The following CTNND1 variants were observed in gnomAD, a reference collection of about 807,000 sequenced individuals.
CTNND1 encodes catenin delta 1.
In CTNND1, 16 loss-of-function variants were observed where a neutral mutation model predicts 112.1. That is an observed-to-expected ratio of 0.14 (90% confidence interval 0.10 to 0.22). The LOEUF is 0.22. Ranked by LOEUF, CTNND1 falls within the 10% of genes least tolerant of loss-of-function variation. The pLI is 1.00. For missense variants in CTNND1, 1,008 were observed against 1,257.0 expected (o/e 0.80, Z 3.00); for synonymous variants, 420 against 446.5 (o/e 0.94, Z 0.75).
rs565538012 is a variant in CTNND1 at position 57,791,380 on chromosome 11, G to A, written c.-94-5G>A. On this transcript the variant is annotated splice_region_variant and splice_polypyrimidine_tract_variant and intron_variant, in intron 2 of 20. Coordinates refer to ENST00000399050, the MANE Select transcript of CTNND1 (RefSeq NM_001085458.2). ...TCTCTCCTTTCTCTTACCCTTTCCCGGTAGTGTGAAGTGAGGGGGTCTCTC... is the reference window on the plus strand; with the variant it reads ...TCTCTCCTTTCTCTTACCCTTTCCCAGTAGTGTGAAGTGAGGGGGTCTCTC... The A allele has an allele frequency of 9.3e-5, 127 of 1,359,716 alleles. No individual in the cohort carries two copies. The highest frequency in any genetic ancestry group is 1.1e-4 in the Non-Finnish European group (119 of 1,049,336). The allele number at this position is 1,359,716 out of a possible 1,614,324, so 84.2% of individuals were successfully genotyped here. A position where few individuals can be genotyped will look rare whatever the true frequency, so the allele number is the denominator to read the frequency against.
chr11:57,787,552 C>T (rs1414407313), intron 1 of CTNND1, among the ~76,000 whole-genome samples: 1 of 152,220 alleles, frequency 6.6e-6, no homozygotes. Flanking sequence ...TCCTGGGAAG[C>T]AGCAATTTTT....
intron 12 of CTNND1, 123 bp from the exon 13 acceptor site, chr11:57,808,042 G>A (rs2062924523): frequency 9.6e-7 from 1 of 1,042,610 alleles, no homozygotes. Flanking sequence ...AGAGTTTAGG[G>A]AACCTGATGG....
chr11:57,762,534 A>G lies in CTNND1; in HGVS notation c.-214+415A>G, dbSNP rs1013209310. ...TTTAAAACTTTTTTTTTCTTTTATC[A>G]TTGGATTTGTGGAAGTGGAAAGTTG... On this transcript the variant is annotated intron_variant, in intron 1 of 20. Coordinates refer to ENST00000399050, the MANE Select transcript of CTNND1 (RefSeq NM_001085458.2). Among the ~76,000 whole-genome samples the G allele has an allele frequency of 3.9e-5, 6 of 151,928 alleles. No individual in the cohort carries two copies. The East Asian group carries it at 1.2e-3, about 29-fold the overall frequency.
chr11:57,774,771 T>G lies in CTNND1; in HGVS notation c.-214+12652T>G, dbSNP rs750958141. On this transcript the variant is annotated intron_variant, in intron 1 of 20. Coordinates refer to ENST00000399050, the MANE Select transcript of CTNND1 (RefSeq NM_001085458.2). Reference sequence around the variant, plus strand: ...CTCTGTTGCCTAGGCTGGAGTGCAGTGGCGTGATCTTGGCTCGCTGCAACC... The same window carrying G: ...CTCTGTTGCCTAGGCTGGAGTGCAGGGGCGTGATCTTGGCTCGCTGCAACC... Among the ~76,000 whole-genome samples the G allele has an allele frequency of 1.6e-4, 24 of 152,300 alleles. No homozygotes were observed. The South Asian group carries it at 2.1e-3, about 13-fold the overall frequency.
At chr11:57,768,101 C>T (rs1179695647) in intron 1 of CTNND1, among the ~76,000 whole-genome samples, 1 of 151,942 alleles carries the variant, frequency 6.6e-6, no homozygotes, top group East Asian at 2.0e-4. Context: ...TTCCAAAGTG[C>T]TGGGATTACA....
chr11:57,778,145 A>C (rs1360709160), intron 1 of CTNND1, among the ~76,000 whole-genome samples: 1 of 151,566 alleles, frequency 6.6e-6, no homozygotes, highest in Non-Finnish European at 1.5e-5. Flanking sequence ...CTCATTCTCT[A>C]GGGAAACGGG....
intron 7 of CTNND1, among the ~76,000 whole-genome samples, chr11:57,803,041 T>C (rs2062187248): frequency 6.6e-6 from 1 of 152,096 alleles, no homozygotes; most frequent in Non-Finnish European, 1.5e-5. Flanking sequence ...TGGCCGAAAA[T>C]GTCAGTGGTG....
At chr11:57,766,757 T>C (rs1288299041) in intron 1 of CTNND1, among the ~76,000 whole-genome samples, 1 of 152,186 alleles carries the variant, frequency 6.6e-6, no homozygotes, top group Admixed American at 6.5e-5. Flanking sequence ...TTTTCGGAAG[T>C]AATTTTTTTC....
chr11:57,805,574 A>C (rs756257573), intron 9 of CTNND1, among the ~76,000 whole-genome samples: 1 of 151,158 alleles, frequency 6.6e-6, no homozygotes, highest in African/African-American at 2.4e-5. Context: ...TCTGTCACCT[A>C]TGTATTTTAA....
At chr11:57,810,923 C>G (rs11570215) in intron 16 of CTNND1, among the ~76,000 whole-genome samples, 2 of 151,450 alleles carry the variant, frequency 1.3e-5, no homozygotes, top group African/African-American at 4.9e-5. Context: ...CACTGCTGCA[C>G]TCCAGCCTGG....
chr11:57,796,719 A>G lies in CTNND1; in HGVS notation c.683A>G (p.Tyr228Cys), dbSNP rs772536053. The G allele has an allele frequency of 8.7e-6, 14 of 1,614,042 alleles. No individual in the cohort carries two copies. In the East Asian group the frequency reaches 2.5e-4, roughly 28 times the overall value. The change falls in exon 6 of 21, where the codon TAT becomes TGT. Residue 228 changes from tyrosine (Y) to cysteine (C), a missense_variant. Physicochemically the swap from Tyr to Cys is radical, Grantham distance 194. Around this residue, in one of 5 missense-constraint regions of CTNND1, gnomAD observed 404 missense variants for 457.9 expected, o/e 0.88. Transcript: ENST00000399050. ...GGTTATCCAGGTGGCAGTGATAACTATGGCAGTCTGTCCCGGGTGACCCGC... is the reference window on the plus strand; with the variant it reads ...GGTTATCCAGGTGGCAGTGATAACTGTGGCAGTCTGTCCCGGGTGACCCGC... ...EDGYPGGSDN[Y>C]GSLSRVTRIE...
At chr11:57,798,037 A>G (rs2061556119) in intron 6 of CTNND1, among the ~76,000 whole-genome samples, 3 of 151,584 alleles carry the variant, frequency 2.0e-5, no homozygotes, top group Admixed American at 1.3e-4. Flanking sequence ...GAATTTCTTT[A>G]GTTTCTGATT....
intron 1 of CTNND1, chr11:57,781,787 C>T (rs577775981): frequency 6.6e-6 from 1 of 152,310 alleles, no homozygotes; most frequent in Non-Finnish European, 1.5e-5. Context: ...TTAGACCAGT[C>T]CTGTGTGTGC....
intron 17 of CTNND1, among the ~76,000 whole-genome samples, chr11:57,812,240 C>T (rs1565379447): frequency 6.6e-6 from 1 of 152,170 alleles, no homozygotes; most frequent in Non-Finnish European, 1.5e-5. Flanking sequence ...AAACATCAGG[C>T]CAGGTGTGGT....
At chr11:57,766,021 C>G (rs946288205) in intron 1 of CTNND1, among the ~76,000 whole-genome samples, 11 of 152,148 alleles carry the variant, frequency 7.2e-5, no homozygotes, top group Admixed American at 2.0e-4. Context: ...GGCATGTACC[C>G]GTAGTCCTAG....
rs2064006799 is a variant in CTNND1, at chr11:57,816,604, T to C, written c.*296T>C. ...GCAGATTAGTTCTTTTTGCCAGTTT[T>C]CCCTGGAACTCCTGGCCTTTTGTGG... is the stretch of plus-strand genomic sequence containing the variant. On this transcript the variant is annotated 3_prime_UTR_variant, in exon 21 of 21. Transcript: ENST00000399050. 4.1e-6 allele frequency: 2 copies of C among 484,262 alleles called. No homozygotes were observed. Among genetic ancestry groups the C allele is most frequent in the Admixed American group, 6.8e-5 (2 of 29,344 alleles). The allele number at this position is 484,262 out of a possible 1,614,324, so 30.0% of individuals were successfully genotyped here. A position where few individuals can be genotyped will look rare whatever the true frequency, so the allele number is the denominator to read the frequency against.
intron 1 of CTNND1, among the ~76,000 whole-genome samples, chr11:57,781,824 G>GT (rs940720268): frequency 3.3e-5 from 5 of 152,094 alleles, no homozygotes; most frequent in African/African-American, 1.2e-4. Context: ...AGAGAAGCAG[G>GT]TTTTTTTCTT....
chr11:57,774,482 C>T (rs751046992), intron 1 of CTNND1, among the ~76,000 whole-genome samples: 3 of 152,200 alleles, frequency 2.0e-5, no homozygotes, highest in Non-Finnish European at 4.4e-5. Context: ...GGAGTTAGGA[C>T]TGTGCCATTC....
chr11:57,791,185 G>T (rs1057306428), intron 2 of CTNND1, among the ~76,000 whole-genome samples, 200 bp from the exon 3 acceptor site: 3 of 152,172 alleles, frequency 2.0e-5, no homozygotes, highest in African/African-American at 7.2e-5. Context: ...AGTTATTTCT[G>T]GTGGGATGTT....
Sources: gnomAD v4.1 joint callset for allele counts (sites outside exome capture counted in the v4.1 genomes callset) on GRCh38, gnomAD v4.1.1 for gene constraint, gnomAD v4.1.1 regional missense constraint, MANE v1.5 for transcripts, NCBI Gene and HGNC (gene_info 2026-07-23, HGNC 2026-07-21) for gene names.